UNC5A: variants seen among roughly 807,000 people sequenced by gnomAD.
The protein encoded by UNC5A is unc-5 netrin receptor A.
Under a neutral mutation model 87.4 loss-of-function variants are expected in UNC5A, and 20 were observed. The observed-to-expected ratio is 0.23, with a 90% CI of 0.16 to 0.33. The LOEUF (loss-of-function observed/expected upper bound fraction) is 0.33. Among genes scored for constraint, UNC5A ranks in the 10% least tolerant of loss-of-function variants. UNC5A has a pLI of 1.00. For synonymous variants in UNC5A, 438 were observed against 482.3 expected (o/e 0.91, Z 1.20); for missense variants, 844 against 1,133.4 (o/e 0.74, Z 3.67).
rs202190907 is a variant in UNC5A at position 176,874,203 on chromosome 5, A to C, written c.1075+47A>C. On this transcript the variant is annotated intron_variant, in intron 7 of 14. Coordinates refer to ENST00000329542, the MANE Select transcript of UNC5A (RefSeq NM_133369.3). This position sits in a 1 kb window ranked among gnomAD's most constrained non-coding sequence, Gnocchi z 7.6. ...GCACTCCTGCCCCAGCTCCCACGCCAAGGGCTGCTGGGGCAGGGATGCCCT... is the reference window on the plus strand; with the variant it reads ...GCACTCCTGCCCCAGCTCCCACGCCCAGGGCTGCTGGGGCAGGGATGCCCT... 5.8e-5 allele frequency: 93 copies of C among 1,600,778 alleles called. No individual in the cohort carries two copies. In the African/African-American group the frequency reaches 1.2e-3, roughly 21 times the overall value.
rs536887298 is a variant in UNC5A at position 176,875,865 on chromosome 5, G to A, written c.1378+1299G>A. Among the ~76,000 whole-genome samples the A allele has an allele frequency of 3.9e-5, 6 of 152,174 alleles. No individual in the cohort carries two copies. Among genetic ancestry groups the A allele is most frequent in the Non-Finnish European group, 8.8e-5 (6 of 68,040 alleles). On this transcript the variant is annotated intron_variant, in intron 8 of 14. Transcript: ENST00000329542. This position sits in a 1 kb window ranked among gnomAD's most constrained non-coding sequence, Gnocchi z 5.2. ...GCTGGGACTTCTCTTTTGGGTCCCC[G>A]CCTGACAGCTCTTGCCGTCTGTGCC...
At position 176,874,357 on chromosome 5, in the gene UNC5A, C is replaced by T; in HGVS notation, c.1169C>T (p.Pro390Leu). 1 of 1,613,790 alleles carries T rather than the reference C, an allele frequency of 6.2e-7. No homozygotes were observed. The highest frequency in any genetic ancestry group is 8.5e-7 in the Non-Finnish European group (1 of 1,179,922). The change falls in exon 8 of 15, where the codon CCC becomes CTC. Residue 390 changes from proline to leucine, a missense_variant. Transcript: ENST00000329542. This position sits in a 1 kb window ranked among gnomAD's most constrained non-coding sequence, Gnocchi z 7.6. ...SLCPRQDGPSPKFQLTNGHLL... is the reference protein window; with the variant it reads ...SLCPRQDGPSLKFQLTNGHLL... Reference sequence around the variant, plus strand: ...TGTCCCCGGCAGGATGGGCCCAGCCCCAAGTTCCAGCTCACCAATGGGCAC... The same window carrying T: ...TGTCCCCGGCAGGATGGGCCCAGCCTCAAGTTCCAGCTCACCAATGGGCAC...
At chr5:176,832,847 AGAT>A (rs2113609586) in intron 1 of UNC5A, among the ~76,000 whole-genome samples, 1 of 152,214 alleles carries the variant, frequency 6.6e-6, no homozygotes, top group East Asian at 1.9e-4. Flanking sequence ...TGAGGACTCC[AGAT>A]GATCTCCAGA....
rs149138481 is a variant in UNC5A, at chr5:176,813,955, G to A, written c.70+3135G>A. Among the ~76,000 whole-genome samples, 5 of 152,240 alleles carry A rather than the reference G, an allele frequency of 3.3e-5. No individual in the cohort carries two copies. In the East Asian group the frequency reaches 5.8e-4, roughly 18 times the overall value. On this transcript the variant is annotated intron_variant, in intron 1 of 14. Transcript: ENST00000329542. ...GCCCCCTCCTCCCAAGGGCCCTGCC[G>A]TCCCCTCCTCCTATTCTCCCAGCCT...
intron 6 of UNC5A, 128 bp from the exon 7 acceptor site, chr5:176,873,840 C>CGTCT (rs1029397802): frequency 1.3e-5 from 12 of 913,066 alleles, no homozygotes; most frequent in Admixed American, 4.8e-5. Flanking sequence ...CTGCCACAAG[C>CGTCT]GTCTGCTCCC....
intron 1 of UNC5A, among the ~76,000 whole-genome samples, chr5:176,858,778 A>G (rs554730488): frequency 0.14 from 4,999 of 35,640 alleles, 298 homozygotes; most frequent in African/African-American, 0.26. Context: ...AAGGAAGGCA[A>G]GCAAGCAGGC....
At position 176,878,323 on chromosome 5, in the gene UNC5A, A is replaced by G. The variant is rs1477311815; in HGVS notation, c.1949A>G (p.His650Arg). Residue 650 changes from histidine (H) to arginine (R), a missense_variant, in exon 12 of 15, where the codon CAC becomes CGC. By Grantham distance (29) the His-to-Arg change is conservative. Coordinates refer to ENST00000329542, the MANE Select transcript of UNC5A (RefSeq NM_133369.3). Reference sequence around the variant, plus strand: ...GTCCTGCACTTCAAGGACAGTTACCACAACCTGCGCCTATCCATCCACGAT... The same window carrying G: ...GTCCTGCACTTCAAGGACAGTTACCGCAACCTGCGCCTATCCATCCACGAT... The part of the protein sequence containing the change: ...PRVLHFKDSY[H>R]NLRLSIHDVP... 1 of 1,613,436 alleles carries G rather than the reference A, an allele frequency of 6.2e-7. No individual in the cohort carries two copies. Among genetic ancestry groups the G allele is most frequent in the Non-Finnish European group, 8.5e-7 (1 of 1,180,020 alleles).
chr5:176,869,689 G>T lies in UNC5A; in HGVS notation c.722-681G>T. 2 of 695,292 alleles carry T rather than the reference G, an allele frequency of 2.9e-6. No homozygotes were observed. Among genetic ancestry groups the T allele is most frequent in the Non-Finnish European group, 5.3e-6 (2 of 380,516 alleles). The allele number at this position is 695,292 out of a possible 1,614,324, so 43.1% of individuals were successfully genotyped here. A position where few individuals can be genotyped will look rare whatever the true frequency, so the allele number is the denominator to read the frequency against. On this transcript the variant is annotated intron_variant, in intron 5 of 14. Transcript: ENST00000329542. The surrounding 1 kb of genome is among the most constrained non-coding windows in gnomAD (Gnocchi z 9.1). Reference sequence around the variant, plus strand: ...TGTGGGCGCGGCTGGCAGAAACGGAGCCGGAGCTGCACCAACCCGGCGCCT... The same window carrying T: ...TGTGGGCGCGGCTGGCAGAAACGGATCCGGAGCTGCACCAACCCGGCGCCT...
chr5:176,826,687 C>T (rs1756864212), intron 1 of UNC5A, among the ~76,000 whole-genome samples: 1 of 132,158 alleles, frequency 7.6e-6, no homozygotes, highest in South Asian at 2.4e-4. Context: ...GTTGCCCAGG[C>T]TGGAGTGCAG....
At chr5:176,842,492 GAT>G (rs35268512) in intron 1 of UNC5A, among the ~76,000 whole-genome samples, 14,787 of 145,294 alleles carry the variant, frequency 0.1, 2,049 homozygotes, top group African/African-American at 0.32. Flanking sequence ...GAGAAACTGT[GAT>G]ATATATATAT....
At chr5:176,846,226 A>G (rs967634067) in intron 1 of UNC5A, among the ~76,000 whole-genome samples, 2 of 152,140 alleles carry the variant, frequency 1.3e-5, no homozygotes, top group Non-Finnish European at 2.9e-5. Context: ...AGAACAGAGC[A>G]CAGAGGAGGG....
At chr5:176,837,624 A>G (rs886293997) in intron 1 of UNC5A, among the ~76,000 whole-genome samples, 7 of 152,228 alleles carry the variant, frequency 4.6e-5, no homozygotes, top group African/African-American at 1.7e-4. Context: ...GAATGGGATT[A>G]GCAAGGGAGG....
rs542682088 is a variant in UNC5A, at chr5:176,869,546, C to G, written c.721+582C>G. On this transcript the variant is annotated intron_variant, in intron 5 of 14. Transcript: ENST00000329542. The surrounding 1 kb of genome is among the most constrained non-coding windows in gnomAD (Gnocchi z 9.1). Reference sequence around the variant, plus strand: ...TCACAGCCCCTCTGCCCTCACGCCCCGTCCCCTGGGCCAGTGTATCTGAGG... The same window carrying G: ...TCACAGCCCCTCTGCCCTCACGCCCGGTCCCCTGGGCCAGTGTATCTGAGG... The G allele has an allele frequency of 4.2e-5, 28 of 661,748 alleles. No individual in the cohort carries two copies. Among genetic ancestry groups the G allele is most frequent in the Admixed American group, 4.1e-4 (19 of 46,892 alleles). 41.0% of individuals were successfully genotyped at this position (661,748 alleles called of 1,614,324 possible).
At chr5:176,835,650 C>T (rs965623318) in intron 1 of UNC5A, among the ~76,000 whole-genome samples, 29 of 151,906 alleles carry the variant, frequency 1.9e-4, no homozygotes, top group African/African-American at 6.0e-4. Flanking sequence ...GAAGTGTGGG[C>T]GTGGGTGTGA....
chr5:176,874,438 C>T lies in UNC5A; in HGVS notation c.1250C>T (p.Ser417Phe). ...RHTLHHSSPTSEAEEFVSRLS... is the reference protein window; with the variant it reads ...RHTLHHSSPTFEAEEFVSRLS... The stretch of plus-strand genomic sequence containing the variant: ...ACACTGCACCACAGCTCTCCCACCT[C>T]TGAGGCCGAGGAGTTCGTCTCCCGC... The change falls in exon 8 of 15, where the codon TCT (serine) becomes TTT (phenylalanine). Residue 417 changes from serine (S) to phenylalanine (F), a missense_variant. By Grantham distance (155) the Ser-to-Phe change is radical. This residue lies in a region of UNC5A where 353 missense variants were observed against 387.5 expected (regional missense o/e 0.91). Coordinates refer to ENST00000329542, the MANE Select transcript of UNC5A (RefSeq NM_133369.3). This position sits in a 1 kb window ranked among gnomAD's most constrained non-coding sequence, Gnocchi z 7.6. 6.2e-7 allele frequency: 1 copy of T among 1,613,158 alleles called. No homozygotes were observed. Among genetic ancestry groups the T allele is most frequent in the Non-Finnish European group, 8.5e-7 (1 of 1,179,720 alleles).
At position 176,825,000 on chromosome 5, in the gene UNC5A, C is replaced by T. The variant is rs910651279; in HGVS notation, c.70+14180C>T. On this transcript the variant is annotated intron_variant, in intron 1 of 14. Coordinates refer to ENST00000329542, the MANE Select transcript of UNC5A (RefSeq NM_133369.3). This position sits in a 1 kb window ranked among gnomAD's most constrained non-coding sequence, Gnocchi z 4.2. Reference sequence around the variant, plus strand: ...TACTGAGGCCATGGGCAGGGCCATCCCTCTCCTTCCCTCCCTCCCAGCTCT... The same window carrying T: ...TACTGAGGCCATGGGCAGGGCCATCTCTCTCCTTCCCTCCCTCCCAGCTCT... 1.3e-5 allele frequency among the ~76,000 whole-genome samples: 2 copies of T among 152,210 alleles called. No homozygotes were observed. Among genetic ancestry groups the T allele is most frequent in the Admixed American group, 6.5e-5 (1 of 15,288 alleles).
chr5:176,847,756 G>A (rs1757448953), intron 1 of UNC5A, among the ~76,000 whole-genome samples: 1 of 152,190 alleles, frequency 6.6e-6, no homozygotes, highest in African/African-American at 2.4e-5. Flanking sequence ...AATTATTAGT[G>A]ATTTATTAAG....
chr5:176,839,937 C>G (rs1432604120), intron 1 of UNC5A, among the ~76,000 whole-genome samples: 1 of 151,646 alleles, frequency 6.6e-6, no homozygotes, highest in Non-Finnish European at 1.5e-5. Flanking sequence ...CTGCCTCAGC[C>G]TTGCTTGTGG....
At position 176,840,828 on chromosome 5, in the gene UNC5A, G is replaced by A. The variant is rs116032052; in HGVS notation, c.71-21796G>A. ...GGGAGACCTGCCCCCATGAGCCCAC[G>A]CTGACAGCCCTGGAAAGGGCTTCTG... On this transcript the variant is annotated intron_variant, in intron 1 of 14. Coordinates refer to ENST00000329542, the MANE Select transcript of UNC5A (RefSeq NM_133369.3). Among the ~76,000 whole-genome samples, 1,459 of 152,342 alleles carry A rather than the reference G, an allele frequency of 9.6e-3. 20 individuals carry two copies. The highest frequency in any genetic ancestry group is 0.033 in the African/African-American group (1,382 of 41,582).
Sources: gnomAD v4.1 joint callset for allele counts (sites outside exome capture counted in the v4.1 genomes callset) on GRCh38, gnomAD v4.1.1 for gene constraint, gnomAD v4.1.1 regional missense constraint, Gnocchi (gnomAD v3.1) non-coding constraint, MANE v1.5 for transcripts, NCBI Gene and HGNC (gene_info 2026-07-23, HGNC 2026-07-21) for gene names.